Variants in IL31RA observed in about 807,000 individuals in gnomAD.
IL31RA encodes interleukin-31 receptor subunit alpha.
In IL31RA, 66 loss-of-function variants were observed where a neutral mutation model predicts 83.7. That is an observed-to-expected ratio of 0.79 (90% CI 0.65 to 0.97). IL31RA has a LOEUF of 0.97. IL31RA is among the 50% of genes least tolerant of loss of function. The pLI is 0.00. For missense variants in IL31RA, 798 were observed against 919.4 expected (o/e 0.87, Z 1.71); for synonymous variants, 325 against 329.0 (o/e 0.99, Z 0.13).
intron 2 of IL31RA, among the ~76,000 whole-genome samples, chr5:55,863,869 A>G (rs1420910962): frequency 6.6e-6 from 1 of 152,210 alleles, no homozygotes; most frequent in African/African-American, 2.4e-5. Context: ...CTTCTCATAT[A>G]TGTTAACCAA....
intron 4 of IL31RA, among the ~76,000 whole-genome samples, chr5:55,876,977 G>T (rs1331744538): frequency 2.6e-5 from 4 of 151,850 alleles, no homozygotes; most frequent in African/African-American, 9.7e-5. Context: ...TAAAGTAATT[G>T]TTGATAAGGA....
intron 2 of IL31RA, chr5:55,866,888 A>C (rs1398347435): frequency 6.6e-6 from 1 of 152,082 alleles, no homozygotes; most frequent in Admixed American, 6.5e-5. Context: ...TCTGGTAGAG[A>C]CTGCCTTCCT....
intron 5 of IL31RA, among the ~76,000 whole-genome samples, chr5:55,888,935 T>C (rs1402937830): frequency 1.3e-5 from 2 of 152,204 alleles, no homozygotes; most frequent in Non-Finnish European, 2.9e-5. Flanking sequence ...GAGCTGCAAT[T>C]AGGTACTAAT....
chr5:55,881,243 A>G (rs1017289483), intron 4 of IL31RA, among the ~76,000 whole-genome samples: 12 of 151,792 alleles, frequency 7.9e-5, no homozygotes, highest in Non-Finnish European at 1.2e-4. Flanking sequence ...CGGAGCTTGC[A>G]GTGAGCCGAG....
chr5:55,859,796 A>T (rs1301512903), intron 2 of IL31RA, among the ~76,000 whole-genome samples, 197 bp downstream of exon 2: 2 of 152,194 alleles, frequency 1.3e-5, no homozygotes, highest in African/African-American at 2.4e-5. Flanking sequence ...GCATGTGCAA[A>T]TGTGGCAAGA....
chr5:55,867,310 T>TGC (rs1746241623), intron 2 of IL31RA, among the ~76,000 whole-genome samples: 5 of 149,734 alleles, frequency 3.3e-5, no homozygotes, highest in South Asian at 2.1e-4. Context: ...TGTGCGTGTG[T>TGC]GTGTGTGCGT....
intron 3 of IL31RA, among the ~76,000 whole-genome samples, 177 bp downstream of exon 3, chr5:55,869,085 G>C (rs1240368033): frequency 1.3e-5 from 2 of 152,172 alleles, no homozygotes; most frequent in African/African-American, 4.8e-5. Flanking sequence ...AGGGAGGGGA[G>C]GCATAGCCAG....
chr5:55,908,522 A>G (rs550864428), intron 11 of IL31RA, 111 bp downstream of exon 11: 2 of 1,605,294 alleles, frequency 1.2e-6, no homozygotes, highest in East Asian at 2.3e-5. Context: ...GCAACCTGGC[A>G]TGAATCACTT....
intron 4 of IL31RA, among the ~76,000 whole-genome samples, chr5:55,875,202 T>A (rs1746764006): frequency 6.6e-6 from 1 of 152,180 alleles, no homozygotes; most frequent in Non-Finnish European, 1.5e-5. Context: ...AACCTTGTAT[T>A]TCTGTAATAA....
intron 2 of IL31RA, among the ~76,000 whole-genome samples, chr5:55,863,885 T>C (rs1183921630): frequency 6.6e-6 from 1 of 151,968 alleles, no homozygotes; most frequent in African/African-American, 2.4e-5. Flanking sequence ...ACCAAAGCTT[T>C]TGAAGAAGCT....
chr5:55,891,556 C>A (rs1003655630), intron 6 of IL31RA, among the ~76,000 whole-genome samples: 1 of 151,982 alleles, frequency 6.6e-6, no homozygotes, highest in African/African-American at 2.4e-5. Flanking sequence ...CAATACTTAT[C>A]CCCCCATCAT....
rs1554085316 is a variant in IL31RA at position 55,867,316 on chromosome 5, T to TGTGC, written c.155-1474_155-1473insTGCG. Among the ~76,000 whole-genome samples the TGTGC allele has an allele frequency of 9.2e-3, 1,363 of 148,524 alleles. 18 individuals are homozygous for TGTGC. The highest frequency in any genetic ancestry group is 0.013 in the African/African-American group (523 of 39,748). On this transcript the variant is annotated intron_variant, in intron 2 of 14. Transcript: ENST00000652347. ...ATGTGTGTGTGTGCGTGTGTGTGTG[T>TGTGC]GCGTGTGTGTGTGTGTGTGTATGTT...
intron 7 of IL31RA, among the ~76,000 whole-genome samples, chr5:55,898,180 A>T (rs1344662705): frequency 2.0e-5 from 3 of 152,140 alleles, no homozygotes; most frequent in Admixed American, 6.5e-5. Flanking sequence ...AAAGCCAACA[A>T]CCTCACACGC....
At chr5:55,842,595 C>T in the IL31RA span, among the ~76,000 whole-genome samples, 1 of 152,190 alleles carries the variant, frequency 6.6e-6, no homozygotes, top group Admixed American at 6.5e-5. Flanking sequence ...TCCCTTAGGG[C>T]GGAATTAATG....
Position 55,881,639 on chromosome 5 carries a change from G to T in IL31RA, c.455-1405G>T, listed in dbSNP as rs189630320. Reference sequence around the variant, plus strand: ...TCCCTTTTCCATTGGAATGCCCCCAGAAGCTCATATACCAGTTAAACTCTG... The same window carrying T: ...TCCCTTTTCCATTGGAATGCCCCCATAAGCTCATATACCAGTTAAACTCTG... On this transcript the variant is annotated intron_variant, in intron 4 of 14. Coordinates refer to ENST00000652347, the MANE Select transcript of IL31RA (RefSeq NM_139017.7). Among the ~76,000 whole-genome samples the T allele has an allele frequency of 2.7e-5, 4 of 148,594 alleles. No individual in the cohort carries two copies. The Admixed American group carries it at 2.7e-4, about 10-fold the overall frequency.
the IL31RA span, among the ~76,000 whole-genome samples, chr5:55,841,510 G>C: frequency 6.6e-6 from 1 of 152,056 alleles, no homozygotes; most frequent in Non-Finnish European, 1.5e-5. Flanking sequence ...AATACAACAG[G>C]GTCTCTTGTG....
Position 55,883,163 on chromosome 5 carries a change from C to T in IL31RA, c.574C>T (p.Leu192Phe), listed in dbSNP as rs768629615. The change falls in exon 5 of 15, where the codon CTT becomes TTT. Residue 192 changes from leucine (L) to phenylalanine (F), a missense_variant. Physicochemically the swap from Leu to Phe is conservative, Grantham distance 22 (BLOSUM62 0). Transcript: ENST00000652347. Reference protein sequence around the residue: ...APVSSDLKYTLRFRTVNSTSW... With the variant: ...APVSSDLKYTFRFRTVNSTSW... ...TGTTTCATCTGATTTAAAATACACA[C>T]TTCGATTCAGGACAGTCAACAGTAC... 5 of 1,613,940 alleles carry T rather than the reference C, an allele frequency of 3.1e-6. No homozygotes were observed. In the Admixed American group the frequency reaches 8.3e-5, roughly 27 times the overall value.
chr5:55,900,717 TTTCA>T (rs888726077), intron 8 of IL31RA, among the ~76,000 whole-genome samples: 2 of 152,246 alleles, frequency 1.3e-5, no homozygotes, highest in African/African-American at 4.8e-5. Flanking sequence ...AATAAAAAAC[TTTCA>T]TTCAAAGAAT....
chr5:55,888,282 G>C (rs996202566), intron 5 of IL31RA, among the ~76,000 whole-genome samples: 1 of 152,192 alleles, frequency 6.6e-6, no homozygotes, highest in African/African-American at 2.4e-5. Context: ...CCTGGATCCT[G>C]TCGGAGCCAG....
Sources: gnomAD v4.1 joint callset for allele counts (sites outside exome capture counted in the v4.1 genomes callset) on GRCh38, gnomAD v4.1.1 for gene constraint, MANE v1.5 for transcripts, NCBI Gene and HGNC (gene_info 2026-07-23, HGNC 2026-07-21) for gene names.